FAM72D: variants seen among roughly 807,000 people sequenced by gnomAD.
The protein encoded by FAM72D is RUMY family member 4.
For synonymous variants in FAM72D, 4 were observed against 35.1 expected (o/e 0.11, Z 3.13); for missense variants, 9 against 104.7 (o/e 0.09, Z 3.99).
At chr1:145,105,440 G>A (rs1366088703) in intron 3 of FAM72D, among the ~76,000 whole-genome samples, 10 of 90,970 alleles carry the variant, frequency 1.1e-4, no homozygotes, top group African/African-American at 4.5e-4. Context: ...TTGGGAGGCC[G>A]AGGTGGATGG....
chr1:145,107,538 C>T (rs1168230079), intron 3 of FAM72D, among the ~76,000 whole-genome samples: 3 of 127,550 alleles, frequency 2.4e-5, no homozygotes, highest in African/African-American at 8.8e-5. Flanking sequence ...CGTGAGTCAC[C>T]ATGCCTGGCC....
At position 145,107,188 on chromosome 1, in the gene FAM72D, TA is replaced by T. The variant is rs71270755; in HGVS notation, c.355+4068del. 1.6e-3 allele frequency among the ~76,000 whole-genome samples: 227 copies of T among 141,054 alleles called. 1 individual carries two copies. Among genetic ancestry groups the T allele is most frequent in the South Asian group, 0.016 (74 of 4,616 alleles). 92.5% of individuals were successfully genotyped at this position (141,054 alleles called of 152,430 possible). A position where few individuals can be genotyped will look rare whatever the true frequency, so the allele number is the denominator to read the frequency against. On this transcript the variant is annotated intron_variant, in intron 3 of 3. Coordinates refer to ENST00000400889, the MANE Select transcript of FAM72D (RefSeq NM_207418.3). ...TAAGAAAGTACACTACCAATTCTTT[TA>T]AAAAAAAAAATTTCTTTTTCCTTGT...
chr1:145,105,850 G>A (rs1424718930), intron 3 of FAM72D, among the ~76,000 whole-genome samples: 1 of 142,516 alleles, frequency 7.0e-6, no homozygotes, highest in Non-Finnish European at 1.5e-5. Flanking sequence ...TACTTGGGAG[G>A]CTAAGGCAGG....
intron 1 of FAM72D, 131 bp downstream of exon 1, chr1:145,097,130 C>G: frequency 6.5e-7 from 1 of 1,530,096 alleles, no homozygotes; most frequent in Non-Finnish European, 8.9e-7. Context: ...TGATGATCCC[C>G]TTGTAATATA....
chr1:145,100,876 T>A (rs1654674690), intron 2 of FAM72D, among the ~76,000 whole-genome samples: 1 of 149,482 alleles, frequency 6.7e-6, no homozygotes, highest in African/African-American at 2.5e-5. Flanking sequence ...CCTCAAGTGA[T>A]CCACCTGCCT....
At chr1:145,105,556 T>C (rs1654877831) in intron 3 of FAM72D, among the ~76,000 whole-genome samples, 1 of 139,378 alleles carries the variant, frequency 7.2e-6, no homozygotes, top group African/African-American at 2.7e-5. Flanking sequence ...GCCCAGCTAC[T>C]TGGGGGACTG....
At chr1:145,105,363 AAGG>A (rs1654868355) in intron 3 of FAM72D, among the ~76,000 whole-genome samples, 2 of 55,544 alleles carry the variant, frequency 3.6e-5, no homozygotes, top group Non-Finnish European at 7.2e-5. Flanking sequence ...CTTCCAATAG[AAGG>A]CTGTTTTGTG....
rs1381904938 is a variant in FAM72D, at chr1:145,112,380, T to C, written c.*783T>C. ...TAAATAGAAAAAAAAACTAAAGCGA[T>C]TTGCTTAAGCCATTGTACATTATAA... On this transcript the variant is annotated 3_prime_UTR_variant, in exon 4 of 4. Coordinates refer to ENST00000400889, the MANE Select transcript of FAM72D (RefSeq NM_207418.3). 3 of 151,470 alleles carry C rather than the reference T, an allele frequency of 2.0e-5. No individual in the cohort carries two copies. Among genetic ancestry groups the C allele is most frequent in the Non-Finnish European group, 2.9e-5 (2 of 67,916 alleles). 9.4% of individuals were successfully genotyped at this position (151,470 alleles called of 1,614,324 possible). A position where few individuals can be genotyped will look rare whatever the true frequency, so the allele number is the denominator to read the frequency against.
chr1:145,104,117 T>C (rs2102548959), intron 3 of FAM72D, among the ~76,000 whole-genome samples: 1 of 148,256 alleles, frequency 6.7e-6, no homozygotes, highest in African/African-American at 2.6e-5. Flanking sequence ...TGCCAGTGCA[T>C]TTCAGCCTGG....
intron 2 of FAM72D, among the ~76,000 whole-genome samples, chr1:145,101,932 TCA>T (rs1258943666): frequency 2.8e-5 from 3 of 106,534 alleles, no homozygotes; most frequent in African/African-American, 1.4e-4. Flanking sequence ...CTCACAAATC[TCA>T]CAGAGTAAGA....
At chr1:145,098,546 CTA>C (rs1397348830) in intron 1 of FAM72D, among the ~76,000 whole-genome samples, 2 of 100,692 alleles carry the variant, frequency 2.0e-5, no homozygotes, top group Non-Finnish European at 4.0e-5. Context: ...TACTATACTT[CTA>C]TGTTAGCTTT....
At chr1:145,100,657 A>T (rs1342617767) in intron 2 of FAM72D, among the ~76,000 whole-genome samples, 2 of 142,450 alleles carry the variant, frequency 1.4e-5, no homozygotes, top group Non-Finnish European at 3.1e-5. Flanking sequence ...ATGCCCAGCT[A>T]ATTTTTCATA....
At chr1:145,107,551 A>G (rs1654985300) in intron 3 of FAM72D, among the ~76,000 whole-genome samples, 1 of 126,514 alleles carries the variant, frequency 7.9e-6, no homozygotes, top group African/African-American at 3.0e-5. Context: ...GCCTGGCCTG[A>G]AGTACCTTTT....
Position 145,105,972 on chromosome 1 carries a change from G to A in FAM72D, c.355+2841G>A, listed in dbSNP as rs1379941014. ...CATCTCAAAAAAAAAAAAAAGAAAAGAAAAGAAAAATCTGTTGTTTAGTGT... is the reference window on the plus strand; with the variant it reads ...CATCTCAAAAAAAAAAAAAAGAAAAAAAAAGAAAAATCTGTTGTTTAGTGT... On this transcript the variant is annotated intron_variant, in intron 3 of 3. Transcript: ENST00000400889. 4.0e-5 allele frequency among the ~76,000 whole-genome samples: 6 copies of A among 148,304 alleles called. 1 individual carries two copies. The highest frequency in any genetic ancestry group is 1.3e-4 in the Admixed American group (2 of 14,964).
chr1:145,102,710 G>A (rs1219094314), intron 2 of FAM72D, among the ~76,000 whole-genome samples: 5 of 108,726 alleles, frequency 4.6e-5, no homozygotes, highest in Admixed American at 9.3e-5. Flanking sequence ...GAGGTTGCAG[G>A]CACTCCAGCC....
At chr1:145,105,576 A>G (rs2102551751) in intron 3 of FAM72D, among the ~76,000 whole-genome samples, 1 of 146,198 alleles carries the variant, frequency 6.8e-6, no homozygotes, top group African/African-American at 2.6e-5. Context: ...GAGGCAGAAG[A>G]ATCACTTGAA....
rs9777890 is a variant in FAM72D, at chr1:145,107,200, T to A, written c.355+4069T>A. On this transcript the variant is annotated intron_variant, in intron 3 of 3. Coordinates refer to ENST00000400889, the MANE Select transcript of FAM72D (RefSeq NM_207418.3). ...CTACCAATTCTTTTAAAAAAAAAAATTTCTTTTTCCTTGTGTTAAGGTGCT... is the reference window on the plus strand; with the variant it reads ...CTACCAATTCTTTTAAAAAAAAAAAATTCTTTTTCCTTGTGTTAAGGTGCT... 8.0e-5 allele frequency among the ~76,000 whole-genome samples: 12 copies of A among 149,726 alleles called. No individual in the cohort carries two copies. The East Asian group carries it at 1.4e-3, about 17-fold the overall frequency.
rs782639165 is a variant in FAM72D, at chr1:145,096,990, C to T, written c.143C>T (p.Pro48Leu). Reference sequence around the variant, plus strand: ...ATAGACCTTTTCTCTACAGACATCCCTCCTACCAAGTAAGTCATGCTAGTG... The same window carrying T: ...ATAGACCTTTTCTCTACAGACATCCTTCCTACCAAGTAAGTCATGCTAGTG... ...TEIDLFSTDI[P>L]PTNAVDFTGR... The change falls in exon 1 of 4, where the codon CCT (proline) becomes CTT (leucine). Residue 48 changes from proline to leucine, a missense_variant. Pro to Leu is a moderately conservative substitution (Grantham distance 98, BLOSUM62 -3). Coordinates refer to ENST00000400889, the MANE Select transcript of FAM72D (RefSeq NM_207418.3). The T allele has an allele frequency of 4.7e-6, 5 of 1,069,750 alleles. No individual in the cohort carries two copies. The highest frequency in any genetic ancestry group is 4.5e-5 in the Admixed American group (2 of 44,082). The allele number at this position is 1,069,750 out of a possible 1,614,324, so 66.3% of individuals were successfully genotyped here.
chr1:145,107,338 C>T (rs1654970272), intron 3 of FAM72D, among the ~76,000 whole-genome samples: 1 of 127,912 alleles, frequency 7.8e-6, no homozygotes, highest in Non-Finnish European at 1.6e-5. Flanking sequence ...CTCTGCCTCC[C>T]GGGTTCAAGC....
Sources: gnomAD v4.1 joint callset for allele counts (sites outside exome capture counted in the v4.1 genomes callset) on GRCh38, gnomAD v4.1.1 for gene constraint, MANE v1.5 for transcripts, NCBI Gene and HGNC (gene_info 2026-07-23, HGNC 2026-07-21) for gene names.